CRB2: variants seen among roughly 807,000 people sequenced by gnomAD.
CRB2 encodes the protein crumbs cell polarity complex component 2.
Under a neutral mutation model 110.9 loss-of-function variants are expected in CRB2, and 85 were observed. The ratio of observed to expected loss-of-function variants is 0.77; its 90% CI spans 0.64 to 0.92. The LOEUF (loss-of-function observed/expected upper bound fraction) is 0.92. Among genes scored for constraint, CRB2 ranks in the 40% least tolerant of loss-of-function variants. The pLI, the probability that CRB2 is intolerant of heterozygous loss-of-function variation, is 0.00. For missense variants in CRB2, 1,843 were observed against 1,851.3 expected, an observed-to-expected ratio of 1.00 and a Z score of 0.08; for synonymous variants, 907 against 831.0, an observed-to-expected ratio of 1.09 and a Z score of -1.57.
rs917402447 is a variant in CRB2 at position 123,374,991 on chromosome 9, C to T, written c.3507-226C>T. ...GACAGTGGCGTCAGCGTCTGGGGCA[C>T]CTGCCTTCACACAGGCTCCCGTCAC... On this transcript the variant is annotated intron_variant, in intron 11 of 12. Transcript: ENST00000373631. 5.3e-5 allele frequency among the ~76,000 whole-genome samples: 8 copies of T among 152,338 alleles called. 1 individual carries two copies. Among genetic ancestry groups the T allele is most frequent in the Admixed American group, 2.6e-4 (4 of 15,304 alleles).
chr9:123,376,851 T>G lies in CRB2; in HGVS notation c.3647T>G (p.Leu1216Arg), dbSNP rs766137006. The G allele has an allele frequency of 1.0e-4, 166 of 1,608,130 alleles. No individual in the cohort carries two copies. In the East Asian group the frequency reaches 2.1e-3, roughly 20 times the overall value. ...QFCEVAKGLP[L>R]PLPFPLLEVA... ...TGTCTCTTGCAGAAGGGCCTGCCCCTGCCGCTGCCATTCCCACTGCTGGAG... is the reference window on the plus strand; with the variant it reads ...TGTCTCTTGCAGAAGGGCCTGCCCCGGCCGCTGCCATTCCCACTGCTGGAG... Residue 1216 changes from leucine (L) to arginine (R), a missense_variant, in exon 13 of 13, where the codon CTG (leucine) becomes CGG (arginine). Leu to Arg is a moderately radical substitution (Grantham distance 102, BLOSUM62 -2). Transcript: ENST00000373631.
In CRB2 at chr9:123,365,783, A is replaced by AACC. The variant is rs150219447; in HGVS notation, c.419-120_419-118dup. 3.0e-3 allele frequency: 1,539 copies of AACC among 518,222 alleles called. 17 individuals are homozygous for AACC. The African/African-American group carries it at 0.031, about 10-fold the overall frequency. The allele number at this position is 518,222 out of a possible 1,614,324, so 32.1% of individuals were successfully genotyped here. A position where few individuals can be genotyped will look rare whatever the true frequency, so the allele number is the denominator to read the frequency against. ...TGGCATGACCCGTCCCCCACCCCCC[A>AACC]ACCACCACCACCACCATCCGGCTCT... On this transcript the variant is annotated intron_variant, in intron 2 of 12. Transcript: ENST00000373631.
intron 1 of CRB2, among the ~76,000 whole-genome samples, chr9:123,356,855 C>T (rs750268501): frequency 9.9e-5 from 15 of 151,710 alleles, no homozygotes; most frequent in South Asian, 2.1e-4. Flanking sequence ...GAGTTGTGTC[C>T]GAGGAGTTGG....
downstream of CRB2, chr9:123,378,815 T>TG (rs2042152269): frequency 1.0e-5 from 1 of 100,374 alleles, no homozygotes; most frequent in Non-Finnish European, 2.1e-5. Context: ...GTTTTTTTTT[T>TG]TTTTTTTTTT....
intron 9 of CRB2, 95 bp downstream of exon 9, chr9:123,372,437 G>A: frequency 6.9e-7 from 1 of 1,458,694 alleles, no homozygotes. Flanking sequence ...GGATACTGGT[G>A]GACCAGGCAT....
rs750498594 is a variant in CRB2, at chr9:123,370,140, C to T, written c.1087C>T (p.Leu363=). 2.7e-5 allele frequency: 43 copies of T among 1,600,390 alleles called. No individual in the cohort carries two copies. The highest frequency in any genetic ancestry group is 5.0e-5 in the Admixed American group (3 of 59,494). The part of the protein sequence containing the change: ...PTCEEDVDEC[L]SDPCLHGGTC... ...ATGTGAGGAAGATGTGGATGAATGC[C>T]TGTCGGATCCCTGCCTGCACGGCGG... Residue 363 remains leucine (L), a synonymous_variant, in exon 7 of 13, where the codon CTG becomes TTG. Transcript: ENST00000373631.
chr9:123,358,301 A>G (rs746634937), intron 1 of CRB2, among the ~76,000 whole-genome samples: 2 of 152,132 alleles, frequency 1.3e-5, no homozygotes, highest in Non-Finnish European at 2.9e-5. Context: ...GCTGGTTGCC[A>G]TGGAGAGGAC....
At chr9:123,368,615 G>A (rs2041969282) in intron 6 of CRB2, among the ~76,000 whole-genome samples, 2 of 152,234 alleles carry the variant, frequency 1.3e-5, no homozygotes, top group African/African-American at 4.8e-5. Context: ...CACTATCAGC[G>A]GGAACCCGGC....
At position 123,356,260 on chromosome 9, in the gene CRB2, C is replaced by G; in HGVS notation, c.-1C>G. The G allele has an allele frequency of 6.6e-7, 1 of 1,508,712 alleles. No homozygotes were observed. Among genetic ancestry groups the G allele is most frequent in the Non-Finnish European group, 8.8e-7 (1 of 1,132,768 alleles). The allele number at this position is 1,508,712 out of a possible 1,614,324, so 93.5% of individuals were successfully genotyped here. On this transcript the variant is annotated 5_prime_UTR_variant, in exon 1 of 13. Coordinates refer to ENST00000373631, the MANE Select transcript of CRB2 (RefSeq NM_173689.7). Reference sequence around the variant, plus strand: ...CCGAGCAGAGCGCAGAGCGGGCTGCCATGGCGCTGGCCAGGCCTGGGACCC... The same window carrying G: ...CCGAGCAGAGCGCAGAGCGGGCTGCGATGGCGCTGGCCAGGCCTGGGACCC...
Position 123,356,356 on chromosome 9 carries a change from T to G in CRB2, c.94+2T>G, listed in dbSNP as rs1335822887. 2.6e-6 allele frequency: 4 copies of G among 1,544,296 alleles called. No homozygotes were observed. Among genetic ancestry groups the G allele is most frequent in the Non-Finnish European group, 3.5e-6 (4 of 1,144,424 alleles). On this transcript the variant is annotated splice_donor_variant, in intron 1 of 12. Coordinates refer to ENST00000373631, the MANE Select transcript of CRB2 (RefSeq NM_173689.7). LOFTEE classifies it high-confidence loss of function. ...CCCCTGCCCTTTCCCTCCTGGCTGG[T>G]GAGTTGGGGCCCATGTCTGGAGGGG...
Position 123,373,669 on chromosome 9 carries a change from G to C in CRB2, c.3138G>C (p.Gly1046=). The change falls in exon 10 of 13, where the codon GGG becomes GGC. Residue 1046 remains glycine, a synonymous_variant. Transcript: ENST00000373631. ...GAGAGCACTTCGCGTCTTGGCCTGG[G>C]ACGCCGGCCCCGATCCTCGGCTGCC... is the stretch of plus-strand genomic sequence containing the variant. ...GAREHFASWP[G]TPAPILGCRG... 3 of 1,443,218 alleles carry C rather than the reference G, an allele frequency of 2.1e-6. No homozygotes were observed. The highest frequency in any genetic ancestry group is 1.4e-5 in the South Asian group (1 of 70,844). 89.4% of individuals were successfully genotyped at this position (1,443,218 alleles called of 1,614,324 possible). A position where few individuals can be genotyped will look rare whatever the true frequency, so the allele number is the denominator to read the frequency against.
At chr9:123,369,915 C>T (rs2041988773) in intron 6 of CRB2, among the ~76,000 whole-genome samples, 193 bp from the exon 7 acceptor site, 1 of 151,930 alleles carries the variant, frequency 6.6e-6, no homozygotes, top group African/African-American at 2.4e-5. Flanking sequence ...GGACACTCAC[C>T]AGACATGAGA....
intron 1 of CRB2, among the ~76,000 whole-genome samples, chr9:123,359,950 T>TG (rs1200319175): frequency 6.6e-6 from 1 of 151,964 alleles, no homozygotes; most frequent in Admixed American, 6.5e-5. Flanking sequence ...TTAGAGATTT[T>TG]TTTTTTTTCC....
At chr9:123,359,211 CTGAG>C (rs748400445) in intron 1 of CRB2, among the ~76,000 whole-genome samples, 3 of 152,204 alleles carry the variant, frequency 2.0e-5, no homozygotes, top group Non-Finnish European at 2.9e-5. Context: ...TTCCTGATGA[CTGAG>C]TGAGTGTCTG....
chr9:123,366,319 C>G lies in CRB2; in HGVS notation c.707C>G (p.Ala236Gly). The G allele has an allele frequency of 1.3e-6, 2 of 1,538,076 alleles. No homozygotes were observed. Among genetic ancestry groups the G allele is most frequent in the Non-Finnish European group, 1.7e-6 (2 of 1,155,222 alleles). ...GCATCGGCGCCCTGCGAGCACAACG[C>G]GTCCTGCCTCGAGGGCCTCGGGAGC... ...ECASAPCEHN[A>G]SCLEGLGSFR... The change falls in exon 4 of 13, where the codon GCG (alanine) becomes GGG (glycine). Residue 236 changes from alanine (A) to glycine (G), a missense_variant. Ala to Gly is a moderately conservative substitution (Grantham distance 60). Transcript: ENST00000373631.
chr9:123,366,092 G>T lies in CRB2; in HGVS notation c.594G>T (p.Thr198=). 5 of 1,532,150 alleles carry T rather than the reference G, an allele frequency of 3.3e-6. No homozygotes were observed. The highest frequency in any genetic ancestry group is 4.4e-6 in the Non-Finnish European group (5 of 1,146,604). The allele number at this position is 1,532,150 out of a possible 1,614,324, so 94.9% of individuals were successfully genotyped here. The change falls in exon 3 of 13, where the codon ACG becomes ACT. Residue 198 remains threonine, a synonymous_variant. Transcript: ENST00000373631. The part of the protein sequence containing the change: ...CQSQPCAHGG[T]CHDLVNGFRC... The stretch of plus-strand genomic sequence containing the variant: ...GCCAGCCGTGCGCACATGGGGGCAC[G>T]TGCCACGACCTGGTCAACGGGTGAG...
intron 6 of CRB2, among the ~76,000 whole-genome samples, chr9:123,367,917 T>C (rs937272404): frequency 6.6e-6 from 1 of 151,838 alleles, no homozygotes; most frequent in Non-Finnish European, 1.5e-5. Context: ...TGAGGTTGTC[T>C]GGGAGAACGT....
At chr9:123,379,153 G>C (rs1199357710), downstream of CRB2, among the ~76,000 whole-genome samples, 1 of 151,856 alleles carries the variant, frequency 6.6e-6, no homozygotes, top group Non-Finnish European at 1.5e-5. Context: ...CTGCAAGTGG[G>C]GGCATGGTCA....
Position 123,367,275 on chromosome 9 carries a change from G to T in CRB2, c.858G>T (p.Gly286=), listed in dbSNP as rs201342679. ...CLQRSDPALY[G]GVQAAFPGAF... is the part of the protein sequence containing the mutation. The stretch of plus-strand genomic sequence containing the variant: ...AGCGCTCTGACCCGGCCCTCTACGG[G>T]GGTGTCCAGGCCGCCTTCCCTGGCG... The change falls in exon 5 of 13, where the codon GGG becomes GGT. Residue 286 remains glycine (G), a synonymous_variant. Coordinates refer to ENST00000373631, the MANE Select transcript of CRB2 (RefSeq NM_173689.7). The T allele has an allele frequency of 4.3e-5, 69 of 1,600,790 alleles. No individual in the cohort carries two copies. The highest frequency in any genetic ancestry group is 5.8e-5 in the Non-Finnish European group (68 of 1,178,512).
Sources: allele counts gnomAD v4.1 joint callset (sites outside exome capture counted in the v4.1 genomes callset), GRCh38; gene constraint gnomAD v4.1.1; transcripts MANE v1.5; gene names NCBI Gene and HGNC (gene_info 2026-07-23, HGNC 2026-07-21).